Variants in LRRTM4 observed in about 807,000 individuals in gnomAD.
The protein encoded by LRRTM4 is leucine-rich repeat transmembrane neuronal protein 4.
A neutral mutation model predicts 47.6 loss-of-function variants in LRRTM4; 25 were observed. That is an observed-to-expected ratio of 0.53 (90% CI 0.38 to 0.73). LRRTM4 has a LOEUF of 0.73. Among genes scored for constraint, LRRTM4 ranks in the 30% least tolerant of loss-of-function variants. The pLI, the probability that LRRTM4 is intolerant of heterozygous loss-of-function variation, is 0.00. For missense variants in LRRTM4, 638 were observed against 713.4 expected, an observed-to-expected ratio of 0.89 and a Z score of 1.20; for synonymous variants, 311 against 269.5, an observed-to-expected ratio of 1.15 and a Z score of -1.51.
intron 3 of LRRTM4, among the ~76,000 whole-genome samples, chr2:77,022,512 G>A (rs1260677793): frequency 1.3e-5 from 2 of 152,128 alleles, no homozygotes; most frequent in Non-Finnish European, 2.9e-5. Context: ...TTCCACCTAT[G>A]AGCCTGTAAA....
chr2:77,097,833 T>C (rs1670851690), intron 3 of LRRTM4, among the ~76,000 whole-genome samples: 1 of 151,856 alleles, frequency 6.6e-6, no homozygotes, highest in African/African-American at 2.4e-5. Flanking sequence ...GGAGTGGTAA[T>C]TAATGACATA....
At chr2:76,879,985 A>C (rs943330364) in intron 3 of LRRTM4, among the ~76,000 whole-genome samples, 1 of 152,246 alleles carries the variant, frequency 6.6e-6, no homozygotes, top group African/African-American at 2.4e-5. Flanking sequence ...CTGCAATCTC[A>C]TAATAAAATT....
intron 3 of LRRTM4, among the ~76,000 whole-genome samples, chr2:77,083,904 A>G (rs1057136861): frequency 4.2e-5 from 6 of 142,848 alleles, no homozygotes; most frequent in Non-Finnish European, 6.0e-5. Flanking sequence ...TCCCGGGTTC[A>G]CGCCATTCTC....
chr2:77,498,006 C>T (rs1223181222), intron 3 of LRRTM4, among the ~76,000 whole-genome samples: 1 of 151,858 alleles, frequency 6.6e-6, no homozygotes, highest in Non-Finnish European at 1.5e-5. Flanking sequence ...GACATAGTTA[C>T]ATAGTCTGCC....
At chr2:77,103,595 G>T (rs1236333766) in intron 3 of LRRTM4, among the ~76,000 whole-genome samples, 1 of 148,664 alleles carries the variant, frequency 6.7e-6, no homozygotes, top group Non-Finnish European at 1.5e-5. Context: ...ATTGCATGTT[G>T]TTTTTAGTTG....
At chr2:77,341,578 G>T (rs911362426) in intron 3 of LRRTM4, among the ~76,000 whole-genome samples, 2 of 151,970 alleles carry the variant, frequency 1.3e-5, no homozygotes, top group South Asian at 4.1e-4. Context: ...TGTGCCCTAC[G>T]AGACAAGAAC....
At chr2:77,265,611 A>G (rs1558660250) in intron 3 of LRRTM4, among the ~76,000 whole-genome samples, 1 of 152,128 alleles carries the variant, frequency 6.6e-6, no homozygotes, top group Non-Finnish European at 1.5e-5. Context: ...TTATAACAGC[A>G]CAAAACAGAC....
At chr2:77,315,184 T>C (rs929151409) in intron 3 of LRRTM4, among the ~76,000 whole-genome samples, 9 of 152,164 alleles carry the variant, frequency 5.9e-5, no homozygotes, top group African/African-American at 2.2e-4. Context: ...GTTAAAGGTT[T>C]TTTTCTGGAA....
chr2:77,287,034 G>T lies in LRRTM4; in HGVS notation c.1551+231284C>A, dbSNP rs536795573. On this transcript the variant is annotated intron_variant, in intron 3 of 3. Transcript: ENST00000409884. Reference sequence around the variant, plus strand: ...GCCTCTCTGTGTTTGCACAAATGGGGAGAGTAGATAGGAAAAATATAAAAT... The same window carrying T: ...GCCTCTCTGTGTTTGCACAAATGGGTAGAGTAGATAGGAAAAATATAAAAT... Among the ~76,000 whole-genome samples the T allele has an allele frequency of 2.0e-5, 3 of 152,148 alleles. No individual in the cohort carries two copies. The East Asian group carries it at 5.8e-4, about 29-fold the overall frequency.
intron 3 of LRRTM4, among the ~76,000 whole-genome samples, chr2:77,375,557 T>A (rs1267889595): frequency 2.0e-5 from 3 of 151,836 alleles, no homozygotes; most frequent in Admixed American, 6.6e-5. Flanking sequence ...TCATCTTGTA[T>A]AACTGAAAAT....
At chr2:77,369,045 G>A (rs758836198) in intron 3 of LRRTM4, among the ~76,000 whole-genome samples, 29 of 151,696 alleles carry the variant, frequency 1.9e-4, no homozygotes, top group Non-Finnish European at 3.4e-4. Context: ...AAACAGGTAT[G>A]AGGTAATATC....
chr2:77,055,065 G>A (rs1200059961), intron 3 of LRRTM4, among the ~76,000 whole-genome samples: 2 of 152,136 alleles, frequency 1.3e-5, no homozygotes, highest in Non-Finnish European at 2.9e-5. Context: ...TGGCTCCCAA[G>A]GAGGTAACAG....
At chr2:76,993,918 T>C (rs1677102230) in intron 3 of LRRTM4, among the ~76,000 whole-genome samples, 3 of 151,968 alleles carry the variant, frequency 2.0e-5, no homozygotes, top group African/African-American at 7.2e-5. Context: ...TGGAATACTA[T>C]GCAGACATAA....
At chr2:76,773,823 T>G (rs1427003234) in intron 3 of LRRTM4, among the ~76,000 whole-genome samples, 4 of 151,608 alleles carry the variant, frequency 2.6e-5, no homozygotes, top group Non-Finnish European at 5.9e-5. Context: ...TTTTTTACCA[T>G]GTAGACAAAA....
chr2:77,221,909 T>C (rs956793161), intron 3 of LRRTM4, among the ~76,000 whole-genome samples: 11 of 152,130 alleles, frequency 7.2e-5, no homozygotes, highest in East Asian at 3.9e-4. Flanking sequence ...ATACATTCTT[T>C]TCAGCACCAC....
chr2:77,030,975 A>G (rs943198062), intron 3 of LRRTM4, among the ~76,000 whole-genome samples: 1 of 152,160 alleles, frequency 6.6e-6, no homozygotes, highest in African/African-American at 2.4e-5. Flanking sequence ...ATTGATGTAA[A>G]TATTTTAAGA....
At chr2:77,223,532 TG>T (rs1291863538) in intron 3 of LRRTM4, among the ~76,000 whole-genome samples, 2 of 152,176 alleles carry the variant, frequency 1.3e-5, no homozygotes, top group African/African-American at 4.8e-5. Flanking sequence ...AAAATCAATG[TG>T]CAAAAATCAC....
intron 3 of LRRTM4, among the ~76,000 whole-genome samples, chr2:77,124,924 C>T (rs1410249385): frequency 2.0e-5 from 3 of 152,132 alleles, no homozygotes; most frequent in Admixed American, 1.3e-4. Flanking sequence ...AATAAGCATA[C>T]AGAGATGTGT....
rs189828479 is a variant in LRRTM4, at chr2:77,249,297, C to G, written c.1551+269021G>C. Among the ~76,000 whole-genome samples the G allele has an allele frequency of 9.0e-4, 137 of 152,000 alleles. 1 individual carries two copies. The highest frequency in any genetic ancestry group is 2.8e-3 in the Admixed American group (42 of 15,256). On this transcript the variant is annotated intron_variant, in intron 3 of 3. Transcript: ENST00000409884. ...CCTGGGAGGCAGAGGTTGCAGTGAG[C>G]CGATATTACGCCATTACACTCCAGC...
Sources: gnomAD v4.1 joint callset for allele counts (sites outside exome capture counted in the v4.1 genomes callset) on GRCh38, gnomAD v4.1.1 for gene constraint, MANE v1.5 for transcripts, NCBI Gene and HGNC (gene_info 2026-07-23, HGNC 2026-07-21) for gene names.